NRG1: variants seen among roughly 807,000 people sequenced by gnomAD.
NRG1 encodes the protein pro-neuregulin-1, membrane-bound isoform.
NRG1 carries 18 observed loss-of-function variants against 63.8 expected under a neutral mutation model. The ratio of observed to expected loss-of-function variants is 0.28; its 90% CI spans 0.19 to 0.42. The LOEUF (loss-of-function observed/expected upper bound fraction) is 0.42, where lower values mean the gene tolerates loss of function less well. Ranked by LOEUF, NRG1 falls within the 10% of genes least tolerant of loss-of-function variation. The pLI, the probability that NRG1 is intolerant of heterozygous loss-of-function variation, is 1.00. For missense variants in NRG1, 762 were observed against 814.7 expected (o/e 0.94, Z 0.79); for synonymous variants, 302 against 301.3 (o/e 1.00, Z -0.02).
chr8:31,746,148 G>GAAA (rs1815838409), intron 1 of NRG1, among the ~76,000 whole-genome samples: 2 of 151,786 alleles, frequency 1.3e-5, no homozygotes, highest in Non-Finnish European at 2.9e-5. Context: ...AGAGGATGAC[G>GAAA]GAGAATGCAT....
chr8:32,680,216 G>A (rs1049945800), intron 5 of NRG1, among the ~76,000 whole-genome samples: 5 of 152,094 alleles, frequency 3.3e-5, no homozygotes, highest in East Asian at 3.9e-4. Context: ...TGAATGCACC[G>A]TGGGTGGAAT....
In NRG1 at chr8:31,894,546, CTTT is replaced by C. The variant is rs370312165; in HGVS notation, c.37+255119_37+255121del. Reference sequence around the variant, plus strand: ...GTGAAATCATAATTGCTATTTCTTTCTTTTTTCTTTTTTTTTTTTTTTGAGATG... The same window carrying C: ...GTGAAATCATAATTGCTATTTCTTTCTTTCTTTTTTTTTTTTTTTGAGATG... On this transcript the variant is annotated intron_variant, in intron 1 of 10. Transcript: ENST00000519301. Among the ~76,000 whole-genome samples, 48 of 98,046 alleles carry C rather than the reference CTTT, an allele frequency of 4.9e-4. 2 individuals are homozygous for C. Among genetic ancestry groups the C allele is most frequent in the East Asian group, 1.6e-3 (2 of 1,230 alleles). 64.3% of individuals were successfully genotyped at this position (98,046 alleles called of 152,430 possible). A position where few individuals can be genotyped will look rare whatever the true frequency, so the allele number is the denominator to read the frequency against.
chr8:32,331,623 A>C (rs750827737), intron 1 of NRG1, among the ~76,000 whole-genome samples: 1 of 152,206 alleles, frequency 6.6e-6, no homozygotes, highest in African/African-American at 2.4e-5. Context: ...TTTTATCTAT[A>C]TTCAAAATCA....
rs149907298 is a variant in NRG1 at position 32,103,112 on chromosome 8, C to T, written c.37+463681C>T. On this transcript the variant is annotated intron_variant, in intron 1 of 10. Coordinates refer to the NRG1 transcript ENST00000519301. ...ATTATTTTGGCTATAGTCACACTGTCATGCTATTAAATGCTAGGTCTTCTA... is the reference window on the plus strand; with the variant it reads ...ATTATTTTGGCTATAGTCACACTGTTATGCTATTAAATGCTAGGTCTTCTA... Among the ~76,000 whole-genome samples the T allele has an allele frequency of 2.0e-3, 301 of 152,260 alleles. 1 individual carries two copies. The highest frequency in any genetic ancestry group is 0.01 in the Middle Eastern group (3 of 294).
At chr8:31,923,192 A>G (rs893432264) in intron 1 of NRG1, among the ~76,000 whole-genome samples, 2 of 152,128 alleles carry the variant, frequency 1.3e-5, no homozygotes, top group Non-Finnish European at 2.9e-5. Context: ...TAATTGGCAA[A>G]TAGTTTTTTT....
chr8:32,540,619 T>C (rs1832485761), intron 1 of NRG1, among the ~76,000 whole-genome samples: 1 of 152,174 alleles, frequency 6.6e-6, no homozygotes, highest in East Asian at 1.9e-4. Context: ...GAGACTTCAG[T>C]ACACACTCTG....
chr8:31,866,562 C>G (rs1828980659), intron 1 of NRG1, among the ~76,000 whole-genome samples: 1 of 152,056 alleles, frequency 6.6e-6, no homozygotes, highest in Non-Finnish European at 1.5e-5. Flanking sequence ...ATTTATTTCC[C>G]CATACTACAA....
At chr8:32,126,557 A>G (rs889895565) in intron 1 of NRG1, among the ~76,000 whole-genome samples, 1 of 151,832 alleles carries the variant, frequency 6.6e-6, no homozygotes, top group African/African-American at 2.4e-5. Flanking sequence ...GCTCTTCCCC[A>G]GGGATGCCCT....
intron 1 of NRG1, among the ~76,000 whole-genome samples, chr8:31,688,517 G>A (rs769158428): frequency 2.3e-4 from 35 of 152,068 alleles, no homozygotes; most frequent in Non-Finnish European, 1.8e-4. Flanking sequence ...CCGCCCAAAT[G>A]GACAAAGACA....
intron 7 of NRG1, among the ~76,000 whole-genome samples, 167 bp from the exon 8 acceptor site, chr8:32,754,205 T>C (rs1829247409): frequency 6.6e-6 from 1 of 152,214 alleles, no homozygotes; most frequent in Admixed American, 6.5e-5. Flanking sequence ...CAAAGCATAG[T>C]GCAGAGCATG....
At chr8:32,154,184 C>A (rs891212582) in intron 1 of NRG1, among the ~76,000 whole-genome samples, 1 of 152,190 alleles carries the variant, frequency 6.6e-6, no homozygotes, top group African/African-American at 2.4e-5. Context: ...AGCTCTGAAC[C>A]AAGTGACCTA....
chr8:32,622,827 A>T (rs1481400783), intron 5 of NRG1, among the ~76,000 whole-genome samples: 1 of 152,150 alleles, frequency 6.6e-6, no homozygotes, highest in Non-Finnish European at 1.5e-5. Flanking sequence ...TATGGAAGAG[A>T]GCTAGTGTGT....
rs1554580265 is a variant in NRG1, at chr8:31,934,420, CTT to C, written c.37+295011_37+295012del. Among the ~76,000 whole-genome samples the C allele has an allele frequency of 1.6e-4, 17 of 108,076 alleles. 1 individual carries two copies. The South Asian group carries it at 2.2e-3, about 14-fold the overall frequency. 70.9% of individuals were successfully genotyped at this position (108,076 alleles called of 152,430 possible). A position where few individuals can be genotyped will look rare whatever the true frequency, so the allele number is the denominator to read the frequency against. On this transcript the variant is annotated intron_variant, in intron 1 of 10. Transcript: ENST00000519301. ...ATACACACACCCCTTTATTCGCTCTCTTTTTTTTTTTTTTTTTTTTTTTAGTT... is the reference window on the plus strand; with the variant it reads ...ATACACACACCCCTTTATTCGCTCTCTTTTTTTTTTTTTTTTTTTTTAGTT...
intron 1 of NRG1, among the ~76,000 whole-genome samples, chr8:32,569,770 A>C (rs1400883109): frequency 6.6e-6 from 1 of 152,028 alleles, no homozygotes; most frequent in East Asian, 1.9e-4. Context: ...GTTTTTTAAA[A>C]CAATCATACA....
intron 1 of NRG1, among the ~76,000 whole-genome samples, chr8:32,468,275 T>G (rs1823325222): frequency 6.6e-6 from 1 of 152,166 alleles, no homozygotes; most frequent in South Asian, 2.1e-4. Context: ...TTAATCTTAC[T>G]TTTCCTCTTA....
intron 1 of NRG1, among the ~76,000 whole-genome samples, chr8:31,756,136 A>C (rs1484148182): frequency 6.6e-6 from 1 of 152,136 alleles, no homozygotes. Context: ...GTAGGCTTAC[A>C]CAATTGAGAG....
intron 1 of NRG1, among the ~76,000 whole-genome samples, chr8:31,679,564 A>G (rs1044189133): frequency 2.0e-5 from 3 of 152,170 alleles, no homozygotes; most frequent in African/African-American, 4.8e-5. Flanking sequence ...TCAGTGAACT[A>G]TGATTAAAAG....
At chr8:32,021,313 A>T (rs1171623297) in intron 1 of NRG1, among the ~76,000 whole-genome samples, 1 of 152,142 alleles carries the variant, frequency 6.6e-6, no homozygotes, top group Non-Finnish European at 1.5e-5. Flanking sequence ...ATTCTGCATC[A>T]TAACATGACA....
intron 1 of NRG1, among the ~76,000 whole-genome samples, chr8:31,743,760 CA>C (rs1260532401): frequency 6.6e-6 from 1 of 151,944 alleles, no homozygotes; most frequent in Non-Finnish European, 1.5e-5. Context: ...TACTAAGGCA[CA>C]AAAGCTATGA....
Sources: gnomAD v4.1 joint callset for allele counts (sites outside exome capture counted in the v4.1 genomes callset) on GRCh38, gnomAD v4.1.1 for gene constraint, MANE v1.5 for transcripts, NCBI Gene and HGNC (gene_info 2026-07-23, HGNC 2026-07-21) for gene names.